PPP2R2D: variants seen among roughly 807,000 people sequenced by gnomAD.
PPP2R2D encodes the protein protein phosphatase 2 regulatory subunit Bdelta, also known as serine/threonine-protein phosphatase 2A 55 kDa regulatory subunit B delta isoform.
Under a neutral mutation model 31.1 loss-of-function variants are expected in PPP2R2D, and 9 were observed. The observed-to-expected ratio is 0.29, with a 90% CI of 0.17 to 0.51. PPP2R2D has a LOEUF of 0.51. Ranked by LOEUF, PPP2R2D falls within the 20% of genes least tolerant of loss-of-function variation. The probability of loss-of-function intolerance (pLI) is 0.98; values close to 1 mark genes in which losing one functional copy is unlikely to be tolerated. For synonymous variants in PPP2R2D, 179 were observed against 172.6 expected (o/e 1.04, Z -0.29); for missense variants, 391 against 465.6 (o/e 0.84, Z 1.48).
chr10:131,926,408 T>C (rs1460115904), intron 2 of PPP2R2D, among the ~76,000 whole-genome samples: 2 of 152,162 alleles, frequency 1.3e-5, no homozygotes, highest in East Asian at 3.9e-4. Flanking sequence ...CTGAGCGCAG[T>C]GGCTCACGCG....
At chr10:131,948,823 A>G (rs572581558) in intron 8 of PPP2R2D, among the ~76,000 whole-genome samples, 2 of 152,246 alleles carry the variant, frequency 1.3e-5, no homozygotes, top group African/African-American at 4.8e-5. Context: ...GGCCCACACG[A>G]GGTGTAGAGT....
intron 3 of PPP2R2D, among the ~76,000 whole-genome samples, chr10:131,938,766 C>T (rs980871227): frequency 1.3e-5 from 2 of 152,230 alleles, no homozygotes; most frequent in African/African-American, 2.4e-5. Context: ...GTGGTGGTCC[C>T]TGCATGGCCC....
intron 2 of PPP2R2D, among the ~76,000 whole-genome samples, chr10:131,917,378 C>T (rs1554893332): frequency 7.7e-6 from 1 of 129,320 alleles, no homozygotes; most frequent in Non-Finnish European, 1.6e-5. Flanking sequence ...GGTGGAATGA[C>T]ACAGTGTAGG....
rs1335590458 is a variant in PPP2R2D, at chr10:131,957,967, G to C, written c.*2004G>C. 2 of 146,868 alleles carry C rather than the reference G, an allele frequency of 1.4e-5. No individual in the cohort carries two copies. The highest frequency in any genetic ancestry group is 2.8e-5 in the Non-Finnish European group (2 of 70,514). The allele number at this position is 146,868 out of a possible 1,614,324, so 9.1% of individuals were successfully genotyped here. The stretch of plus-strand genomic sequence containing the variant: ...CCCCATCTCCCTGTGAAGATGAAGG[G>C]GTGTGCTGATCCCCCGTGCCCCTGT... On this transcript the variant is annotated 3_prime_UTR_variant, in exon 9 of 9. Coordinates refer to ENST00000455566, the MANE Select transcript of PPP2R2D (RefSeq NM_018461.5).
chr10:131,944,074 A>G lies in PPP2R2D; in HGVS notation c.584A>G (p.His195Arg), dbSNP rs782344692. The change falls in exon 6 of 9, where the codon CAT becomes CGT. Residue 195 changes from histidine (H) to arginine (R), a missense_variant. Coordinates refer to ENST00000455566, the MANE Select transcript of PPP2R2D (RefSeq NM_018461.5). Reference protein sequence around the residue: ...HINSISVNSDHETYLSADDLR... With the variant: ...HINSISVNSDRETYLSADDLR... ...AATTCCATTTCAGTAAATAGTGATC[A>G]TGAAACATATCTTTCTGCAGATGAC... 6.2e-7 allele frequency: 1 copy of G among 1,611,008 alleles called. No individual in the cohort carries two copies. Among genetic ancestry groups the G allele is most frequent in the Non-Finnish European group, 8.5e-7 (1 of 1,177,450 alleles).
intron 2 of PPP2R2D, among the ~76,000 whole-genome samples, chr10:131,902,046 G>A (rs2035508972): frequency 6.6e-6 from 1 of 152,044 alleles, no homozygotes; most frequent in Non-Finnish European, 1.5e-5. Context: ...TTTTAGGGTG[G>A]TGGGAGGGAA....
Position 131,945,951 on chromosome 10 carries a change from C to T in PPP2R2D, c.820+492C>T, listed in dbSNP as rs2036531234. The T allele has an allele frequency of 1.3e-5, 2 of 154,332 alleles. No homozygotes were observed. The highest frequency in any genetic ancestry group is 6.3e-5 in the Admixed American group (1 of 15,818). The allele number at this position is 154,332 out of a possible 1,614,324, so 9.6% of individuals were successfully genotyped here. A position where few individuals can be genotyped will look rare whatever the true frequency, so the allele number is the denominator to read the frequency against. ...GGTCATGCTTCCCACAGGCTTATGG[C>T]TGTAGGGTGAGTGTGCTTTTGGCAC... is the stretch of plus-strand genomic sequence containing the variant. On this transcript the variant is annotated intron_variant, in intron 7 of 8. Transcript: ENST00000455566. This position sits in a 1 kb window ranked among gnomAD's most constrained non-coding sequence, Gnocchi z 4.8.
chr10:131,901,686 C>T (rs1327683770), intron 2 of PPP2R2D, among the ~76,000 whole-genome samples: 4 of 152,184 alleles, frequency 2.6e-5, no homozygotes, highest in Non-Finnish European at 5.9e-5. Flanking sequence ...GAGACCGCGG[C>T]GGAGCCGGGG....
chr10:131,906,148 T>C (rs988242829), intron 2 of PPP2R2D, among the ~76,000 whole-genome samples: 1 of 152,218 alleles, frequency 6.6e-6, no homozygotes, highest in African/African-American at 2.4e-5. Flanking sequence ...GACTGCAACC[T>C]GCTTACCTGC....
At chr10:131,908,748 G>A (rs1411565838) in intron 2 of PPP2R2D, among the ~76,000 whole-genome samples, 5 of 152,338 alleles carry the variant, frequency 3.3e-5, no homozygotes, top group Non-Finnish European at 5.9e-5. Flanking sequence ...AAACAAACAC[G>A]TTAACTGGTA....
At chr10:131,946,029 T>C (rs1554897947) in intron 7 of PPP2R2D, 1 of 151,006 alleles carries the variant, frequency 6.6e-6, no homozygotes, top group Non-Finnish European at 1.5e-5. Flanking sequence ...CCTCAGAGGC[T>C]GCCAGCACTG....
chr10:131,941,045 C>G (rs1417944561), intron 5 of PPP2R2D, among the ~76,000 whole-genome samples: 1 of 152,072 alleles, frequency 6.6e-6, no homozygotes, highest in Non-Finnish European at 1.5e-5. Context: ...TTCAGAACAC[C>G]TCACAGGTGC....
intron 3 of PPP2R2D, among the ~76,000 whole-genome samples, chr10:131,937,209 C>T (rs1396573579): frequency 6.6e-6 from 1 of 152,128 alleles, no homozygotes; most frequent in African/African-American, 2.4e-5. Context: ...TCTGGCTGTG[C>T]AGAAGACGAG....
intron 8 of PPP2R2D, among the ~76,000 whole-genome samples, chr10:131,950,257 G>A (rs2036612654): frequency 6.6e-6 from 1 of 152,142 alleles, no homozygotes; most frequent in Admixed American, 6.5e-5. Context: ...ACAAAGTTTG[G>A]GGGTGTGAGG....
chr10:131,934,356 G>T (rs1197886181), intron 2 of PPP2R2D, 102 bp from the exon 3 acceptor site: 3 of 662,240 alleles, frequency 4.5e-6, no homozygotes, highest in Non-Finnish European at 8.3e-6. Flanking sequence ...GGAGAAAGTT[G>T]TATATGTTTA....
chr10:131,967,851 GGT>G, the PPP2R2D span: 1 of 152,240 alleles, frequency 6.6e-6, no homozygotes, highest in African/African-American at 2.4e-5. Flanking sequence ...ATACTGAGTA[GGT>G]GCCTTCAGCA....
chr10:131,925,919 G>A (rs556692517), intron 2 of PPP2R2D, among the ~76,000 whole-genome samples: 4 of 152,276 alleles, frequency 2.6e-5, no homozygotes, highest in East Asian at 3.9e-4. Context: ...TAGTGGCTCC[G>A]CCCCGTTTTT....
Position 131,940,165 on chromosome 10 carries a change from G to A in PPP2R2D, c.333G>A (p.Gln111=). 1.3e-6 allele frequency: 1 copy of A among 766,548 alleles called. No homozygotes were observed. The highest frequency in any genetic ancestry group is 1.4e-5 in the South Asian group (1 of 72,060). The allele number at this position is 766,548 out of a possible 1,614,324, so 47.5% of individuals were successfully genotyped here. A position where few individuals can be genotyped will look rare whatever the true frequency, so the allele number is the denominator to read the frequency against. ...ATAAAATTAGGTGGTTACCACAACA[G>A]AATGCTGCTCATTTTCTACTGTCTA... is the stretch of plus-strand genomic sequence containing the variant. The part of the protein sequence containing the change: ...KINKIRWLPQ[Q]NAAHFLLSTN... The change falls in exon 4 of 9, where the codon CAG becomes CAA. Residue 111 remains glutamine, a synonymous_variant. Coordinates refer to ENST00000455566, the MANE Select transcript of PPP2R2D (RefSeq NM_018461.5).
intron 2 of PPP2R2D, among the ~76,000 whole-genome samples, chr10:131,909,000 C>T (rs1461171391): frequency 4.6e-5 from 7 of 152,196 alleles, no homozygotes; most frequent in Admixed American, 4.6e-4. Flanking sequence ...TGGGTCCTTG[C>T]ACCATGGCTG....
Sources: allele counts gnomAD v4.1 joint callset (sites outside exome capture counted in the v4.1 genomes callset), GRCh38; gene constraint gnomAD v4.1.1; non-coding constraint Gnocchi (gnomAD v3.1); transcripts MANE v1.5; gene names NCBI Gene and HGNC (gene_info 2026-07-23, HGNC 2026-07-21).